DGLUCY: variants seen among roughly 807,000 people sequenced by gnomAD.
DGLUCY encodes D-glutamate cyclase, mitochondrial.
In DGLUCY, 58 loss-of-function variants were observed where a neutral mutation model predicts 58.5. That is an observed-to-expected ratio of 0.99 (90% CI 0.80 to 1.23). DGLUCY has a LOEUF of 1.23. Ranked by LOEUF, DGLUCY falls within the 50% of genes most tolerant of loss-of-function variation. DGLUCY has a pLI of 0.00. For synonymous variants in DGLUCY, 325 were observed against 314.1 expected, an observed-to-expected ratio of 1.03 and a Z score of -0.37; for missense variants, 779 against 784.7, an observed-to-expected ratio of 0.99 and a Z score of 0.09.
intron 1 of DGLUCY, among the ~76,000 whole-genome samples, chr14:91,084,993 A>C (rs995848859): frequency 5.3e-5 from 8 of 152,134 alleles, no homozygotes; most frequent in Admixed American, 5.2e-4. Context: ...AGGGCAAAAC[A>C]GTAATACAGT....
intron 3 of DGLUCY, among the ~76,000 whole-genome samples, chr14:91,164,505 G>C (rs1040854872): frequency 2.0e-5 from 3 of 152,196 alleles, no homozygotes; most frequent in African/African-American, 7.2e-5. Flanking sequence ...TTATTTGAAA[G>C]GATTTGGGTG....
At chr14:91,141,025 G>A (rs971733859) in intron 1 of DGLUCY, among the ~76,000 whole-genome samples, 2 of 152,138 alleles carry the variant, frequency 1.3e-5, no homozygotes, top group Non-Finnish European at 2.9e-5. Context: ...TGGTCATGAT[G>A]GCCGAGTTTG....
At chr14:91,183,250 C>G (rs935420861) in intron 8 of DGLUCY, among the ~76,000 whole-genome samples, 1 of 152,138 alleles carries the variant, frequency 6.6e-6, no homozygotes, top group African/African-American at 2.4e-5. Context: ...CCCACCTCAG[C>G]CTCCCAAAGT....
chr14:91,212,310 C>T (rs535228326), intron 12 of DGLUCY, among the ~76,000 whole-genome samples: 6 of 149,822 alleles, frequency 4.0e-5, no homozygotes, highest in Admixed American at 1.3e-4. Context: ...AATTTGAGAC[C>T]AGCCTGGGCA....
At chr14:91,127,572 G>A (rs1448359536) in intron 1 of DGLUCY, among the ~76,000 whole-genome samples, 1 of 152,264 alleles carries the variant, frequency 6.6e-6, no homozygotes, top group Non-Finnish European at 1.5e-5. Context: ...CTTGCCTTCA[G>A]GCTGTTTGCG....
intron 2 of DGLUCY, among the ~76,000 whole-genome samples, chr14:91,159,997 C>G (rs1176198246): frequency 6.6e-6 from 1 of 152,038 alleles, no homozygotes. Context: ...TCTGCAGCTC[C>G]CGAGGAATGG....
At chr14:91,093,111 G>A (rs1484559941) in intron 1 of DGLUCY, among the ~76,000 whole-genome samples, 1 of 151,434 alleles carries the variant, frequency 6.6e-6, no homozygotes, top group Non-Finnish European at 1.5e-5. Context: ...GATAATTTGT[G>A]AAACAAATGA....
chr14:91,071,155 A>ACCCC (rs2043909123), intron 1 of DGLUCY, among the ~76,000 whole-genome samples: 2 of 151,118 alleles, frequency 1.3e-5, no homozygotes, highest in African/African-American at 4.9e-5. Flanking sequence ...ACACGGTGAA[A>ACCCC]CCCCGTCTCT....
At position 91,196,485 on chromosome 14, in the gene DGLUCY, C is replaced by T. The variant is rs778289096; in HGVS notation, c.1295+11C>T. On this transcript the variant is annotated intron_variant, in intron 10 of 13. Coordinates refer to ENST00000256324, the MANE Select transcript of DGLUCY (RefSeq NM_001102368.3). ...CCCGCAGACACCTAGGTACGTATGT[C>T]GCATCCCAGTTTAAGTGGCGGATGG... is the stretch of plus-strand genomic sequence containing the variant. 6 of 1,609,716 alleles carry T rather than the reference C, an allele frequency of 3.7e-6. No individual in the cohort carries two copies. Among genetic ancestry groups the T allele is most frequent in the South Asian group, 1.1e-5 (1 of 90,830 alleles).
chr14:91,134,709 A>G (rs1196812343), intron 1 of DGLUCY, among the ~76,000 whole-genome samples: 2 of 152,180 alleles, frequency 1.3e-5, no homozygotes, highest in Admixed American at 6.6e-5. Flanking sequence ...AAGTGCTGGG[A>G]TTACAGGCAT....
chr14:91,150,979 G>A (rs1443592923), intron 1 of DGLUCY, among the ~76,000 whole-genome samples: 1 of 152,038 alleles, frequency 6.6e-6, no homozygotes, highest in African/African-American at 2.4e-5. Context: ...CCCATCTCCT[G>A]GACCCAGCCT....
chr14:91,122,174 T>A (rs916333924), intron 1 of DGLUCY, among the ~76,000 whole-genome samples: 12 of 152,080 alleles, frequency 7.9e-5, no homozygotes, highest in Non-Finnish European at 1.5e-4. Flanking sequence ...TTTTATTTTT[T>A]TTTTTGAGAC....
At chr14:91,201,968 T>C (rs1426654473) in intron 11 of DGLUCY, among the ~76,000 whole-genome samples, 1 of 151,604 alleles carries the variant, frequency 6.6e-6, no homozygotes, top group Non-Finnish European at 1.5e-5. Flanking sequence ...GGCAGGAGAA[T>C]TGCTTGAACC....
intron 9 of DGLUCY, among the ~76,000 whole-genome samples, chr14:91,193,712 C>T (rs943436172): frequency 2.6e-5 from 4 of 151,992 alleles, no homozygotes; most frequent in Admixed American, 6.6e-5. Flanking sequence ...TGTGGTGGCA[C>T]GCGCCTGTAG....
intron 13 of DGLUCY, among the ~76,000 whole-genome samples, chr14:91,221,215 A>G (rs1178131889): frequency 6.6e-6 from 1 of 152,262 alleles, no homozygotes; most frequent in Non-Finnish European, 1.5e-5. Context: ...GGGAAACAGA[A>G]GAGGACCCTG....
At chr14:91,134,460 TAG>T (rs1412447595) in intron 1 of DGLUCY, among the ~76,000 whole-genome samples, 5 of 151,908 alleles carry the variant, frequency 3.3e-5, no homozygotes, top group African/African-American at 1.2e-4. Flanking sequence ...TTTTCTGGGA[TAG>T]AGTCTCCATC....
chr14:91,152,595 C>A (rs1226839034), intron 1 of DGLUCY, among the ~76,000 whole-genome samples: 1 of 152,144 alleles, frequency 6.6e-6, no homozygotes, highest in Non-Finnish European at 1.5e-5. Context: ...TGCAGCAACA[C>A]TTATTTTGCA....
intron 7 of DGLUCY, among the ~76,000 whole-genome samples, chr14:91,180,844 G>T (rs1311856253): frequency 6.6e-6 from 1 of 152,206 alleles, no homozygotes; most frequent in African/African-American, 2.4e-5. Flanking sequence ...AAGCAAGATG[G>T]CTTCATGAGT....
At chr14:91,133,013 G>A (rs1426364271) in intron 1 of DGLUCY, among the ~76,000 whole-genome samples, 2 of 151,664 alleles carry the variant, frequency 1.3e-5, no homozygotes, top group Non-Finnish European at 2.9e-5. Flanking sequence ...TTCTTTTTTG[G>A]CTGGGCGCGG....
Sources: gnomAD v4.1 joint callset for allele counts (sites outside exome capture counted in the v4.1 genomes callset) on GRCh38, gnomAD v4.1.1 for gene constraint, MANE v1.5 for transcripts, NCBI Gene and HGNC (gene_info 2026-07-23, HGNC 2026-07-21) for gene names.